Variants in SSH1 observed in about 807,000 individuals in gnomAD.
SSH1 encodes the protein slingshot protein phosphatase 1, also known as protein phosphatase Slingshot homolog 1.
Under a neutral mutation model 79.7 loss-of-function variants are expected in SSH1, and 43 were observed. The ratio of observed to expected loss-of-function variants is 0.54; its 90% CI spans 0.42 to 0.70. The LOEUF (loss-of-function observed/expected upper bound fraction) is 0.70, where lower values mean the gene tolerates loss of function less well. Ranked by LOEUF, SSH1 falls within the 30% of genes least tolerant of loss-of-function variation. The pLI is 0.00. For synonymous variants in SSH1, 599 were observed against 538.3 expected, an observed-to-expected ratio of 1.11 and a Z score of -1.56; for missense variants, 1,206 against 1,358.8, an observed-to-expected ratio of 0.89 and a Z score of 1.77.
At chr12:108,794,441 G>C (rs1055137525) in intron 13 of SSH1, among the ~76,000 whole-genome samples, 2 of 152,202 alleles carry the variant, frequency 1.3e-5, no homozygotes, top group African/African-American at 4.8e-5. Flanking sequence ...ATGGGGGATA[G>C]GTCAACCTCT....
intron 13 of SSH1, among the ~76,000 whole-genome samples, chr12:108,793,148 C>T (rs150161188): frequency 2.5e-4 from 38 of 152,240 alleles, no homozygotes; most frequent in Non-Finnish European, 4.3e-4. Flanking sequence ...CTCATTGTCA[C>T]GTCAGTTACA....
In SSH1 at chr12:108,788,027, T is replaced by C. The variant is rs903643357; in HGVS notation, c.3111A>G (p.Pro1037=). 6.2e-6 allele frequency: 10 copies of C among 1,614,122 alleles called. No homozygotes were observed. The highest frequency in any genetic ancestry group is 8.5e-6 in the Non-Finnish European group (10 of 1,180,016). ...TCCACGAAGGGCTCTTTAAGTTTTC[T>C]GGGGCGGGTTTCCCTGATGGTTTGG... The part of the protein sequence containing the change: ...ATSKPSGKPA[P]ENLKSPSWMS... The change falls in exon 15 of 15, where the codon CCA becomes CCG. Residue 1037 remains proline, a synonymous_variant. Transcript: ENST00000326495.
At chr12:108,806,131 C>T (rs935524929) in intron 9 of SSH1, among the ~76,000 whole-genome samples, 170 bp downstream of exon 9, 7 of 151,976 alleles carry the variant, frequency 4.6e-5, no homozygotes, top group South Asian at 2.1e-4. Context: ...AGTCTGACTC[C>T]GAGGCCTGAT....
At chr12:108,822,253 C>A (rs2038149486) in intron 3 of SSH1, among the ~76,000 whole-genome samples, 2 of 152,116 alleles carry the variant, frequency 1.3e-5, no homozygotes, top group African/African-American at 4.8e-5. Flanking sequence ...CCCACCTCAG[C>A]CCCCAACCTT....
chr12:108,835,787 T>G (rs980513470), intron 2 of SSH1, among the ~76,000 whole-genome samples: 1 of 151,226 alleles, frequency 6.6e-6, no homozygotes, highest in Non-Finnish European at 1.5e-5. Flanking sequence ...CAGAGACTGC[T>G]CACAGGCAAG....
intron 13 of SSH1, among the ~76,000 whole-genome samples, chr12:108,794,162 C>T (rs2036639135): frequency 6.6e-6 from 1 of 152,356 alleles, no homozygotes; most frequent in Non-Finnish European, 1.5e-5. Flanking sequence ...GTAGACTTTG[C>T]CTGTGGCTTC....
At chr12:108,805,466 CTTTTAT>C (rs1357084478) in intron 9 of SSH1, among the ~76,000 whole-genome samples, 1 of 152,164 alleles carries the variant, frequency 6.6e-6, no homozygotes, top group African/African-American at 2.4e-5. Context: ...CTTACTTTTA[CTTTTAT>C]AATTAAATGT....
intron 5 of SSH1, among the ~76,000 whole-genome samples, chr12:108,812,770 G>C (rs968531286): frequency 6.6e-6 from 1 of 152,186 alleles, no homozygotes; most frequent in Non-Finnish European, 1.5e-5. Flanking sequence ...TCATCCCCTA[G>C]CTGTTACTTT....
intron 2 of SSH1, among the ~76,000 whole-genome samples, chr12:108,835,419 C>T (rs138847589): frequency 3.3e-5 from 5 of 151,936 alleles, no homozygotes; most frequent in African/African-American, 7.2e-5. Flanking sequence ...AGTAAGACTC[C>T]GTCTTAAAAA....
rs1278415527 is a variant in SSH1 at position 108,781,891 on chromosome 12, A to C, written c.*6097T>G. The C allele has an allele frequency of 1.3e-5, 2 of 152,244 alleles. No homozygotes were observed. The highest frequency in any genetic ancestry group is 4.8e-5 in the African/African-American group (2 of 41,446). The allele number at this position is 152,244 out of a possible 1,614,324, so 9.4% of individuals were successfully genotyped here. A position where few individuals can be genotyped will look rare whatever the true frequency, so the allele number is the denominator to read the frequency against. ...CACTTTGGGAGGCCAAGGTGGGAGG[A>C]TCACTTGAAGACAGGAATTAAAGAC... On this transcript the variant is annotated 3_prime_UTR_variant, in exon 15 of 15. Coordinates refer to ENST00000326495, the MANE Select transcript of SSH1 (RefSeq NM_018984.4).
chr12:108,799,698 A>G (rs1257274008), intron 12 of SSH1, among the ~76,000 whole-genome samples: 1 of 152,176 alleles, frequency 6.6e-6, no homozygotes, highest in African/African-American at 2.4e-5. Context: ...GGAGAGCGAG[A>G]TGCTCTTCAG....
chr12:108,792,275 GCTCTGCCTAC>G lies in SSH1; in HGVS notation c.1893+1_1893+10del, dbSNP rs780069569. ...TGGGGTGTGCCACCCTGCAGGCCGG[GCTCTGCCTAC>G]CTCCATGCCGTTGGGACAGCTCCTC... On this transcript the variant is annotated splice_donor_variant and splice_donor_5th_base_variant and intron_variant, in intron 14 of 14. Coordinates refer to ENST00000326495, the MANE Select transcript of SSH1 (RefSeq NM_018984.4). LOFTEE classifies it high-confidence loss of function. 1 of 1,614,176 alleles carries G rather than the reference GCTCTGCCTAC, an allele frequency of 6.2e-7. No individual in the cohort carries two copies. Among genetic ancestry groups the G allele is most frequent in the South Asian group, 1.1e-5 (1 of 91,090 alleles).
chr12:108,801,932 T>C (rs1565980688), intron 11 of SSH1, among the ~76,000 whole-genome samples: 1 of 152,140 alleles, frequency 6.6e-6, no homozygotes, highest in Non-Finnish European at 1.5e-5. Context: ...GGATCAGGGT[T>C]GCTGACTAAC....
At chr12:108,839,405 G>A (rs147250434) in intron 2 of SSH1, among the ~76,000 whole-genome samples, 1 of 152,212 alleles carries the variant, frequency 6.6e-6, no homozygotes, top group African/African-American at 2.4e-5. Flanking sequence ...GCACGGGTGG[G>A]CCTGGCCACT....
intron 12 of SSH1, among the ~76,000 whole-genome samples, chr12:108,799,667 C>G (rs898529695): frequency 6.6e-6 from 1 of 152,152 alleles, no homozygotes; most frequent in Admixed American, 6.5e-5. Flanking sequence ...GGTCAGCAAA[C>G]TGAAAGCTGC....
chr12:108,823,843 T>C (rs559433773), intron 2 of SSH1, among the ~76,000 whole-genome samples: 1 of 152,278 alleles, frequency 6.6e-6, no homozygotes, highest in East Asian at 1.9e-4. Context: ...AATTATTGTA[T>C]TATTAGTAGA....
chr12:108,853,003 T>G (rs2039075212), intron 1 of SSH1: 1 of 985,358 alleles, frequency 1.0e-6, no homozygotes, highest in Non-Finnish European at 1.2e-6. Context: ...TCCGAGGTTG[T>G]TCTGGACCTT....
intron 2 of SSH1, among the ~76,000 whole-genome samples, chr12:108,831,372 G>T (rs76232274): frequency 9.3e-4 from 142 of 152,288 alleles, no homozygotes; most frequent in Middle Eastern, 3.4e-3. Flanking sequence ...CAAAAAGGAG[G>T]CTCTGTTAAT....
intron 1 of SSH1, chr12:108,853,337 AT>A (rs2039082042): frequency 4.1e-6 from 4 of 985,300 alleles, no homozygotes; most frequent in Non-Finnish European, 4.8e-6. Context: ...CCTATGACTT[AT>A]TTTTATTTTT....
Sources: allele counts gnomAD v4.1 joint callset (sites outside exome capture counted in the v4.1 genomes callset), GRCh38; gene constraint gnomAD v4.1.1; transcripts MANE v1.5; gene names NCBI Gene and HGNC (gene_info 2026-07-23, HGNC 2026-07-21).